Variants in CDH20 observed in about 807,000 individuals in gnomAD.
The protein encoded by CDH20 is cadherin-20.
A neutral mutation model predicts 74.2 loss-of-function variants in CDH20; 29 were observed. The observed-to-expected ratio is 0.39, with a 90% CI of 0.29 to 0.53. CDH20 has a LOEUF of 0.53. Ranked by LOEUF, CDH20 falls within the 20% of genes least tolerant of loss-of-function variation. CDH20 has a pLI of 0.69. For synonymous variants in CDH20, 469 were observed against 405.4 expected (o/e 1.16, Z -1.88); for missense variants, 988 against 1,048.3 (o/e 0.94, Z 0.79).
At chr18:61,386,904 A>G (rs191152737) in intron 1 of CDH20, among the ~76,000 whole-genome samples, 79 of 152,314 alleles carry the variant, frequency 5.2e-4, no homozygotes, top group African/African-American at 1.9e-3. Context: ...TTGTGAGTCA[A>G]TATTTCTGTG....
intron 1 of CDH20, among the ~76,000 whole-genome samples, chr18:61,467,214 C>T (rs1458674378): frequency 6.6e-6 from 1 of 152,142 alleles, no homozygotes; most frequent in Admixed American, 6.6e-5. Context: ...CAGATTTTCT[C>T]ATTAGAATCA....
At chr18:61,335,582 C>T (rs1909731414) in intron 1 of CDH20, among the ~76,000 whole-genome samples, 1 of 152,236 alleles carries the variant, frequency 6.6e-6, no homozygotes, top group South Asian at 2.1e-4. Flanking sequence ...TCAGCATCTA[C>T]TGAGGCTCTG....
intron 1 of CDH20, among the ~76,000 whole-genome samples, chr18:61,378,225 T>C (rs149885009): frequency 2.0e-4 from 31 of 152,322 alleles, no homozygotes; most frequent in Middle Eastern, 3.4e-3. Flanking sequence ...CTGTGGACTT[T>C]CATCAGCTGA....
At chr18:61,452,600 C>T (rs1354568026) in intron 1 of CDH20, among the ~76,000 whole-genome samples, 1 of 152,128 alleles carries the variant, frequency 6.6e-6, no homozygotes, top group Non-Finnish European at 1.5e-5. Context: ...CATATACAAA[C>T]AGGTATAAAT....
At chr18:61,348,942 G>A (rs1046512389) in intron 1 of CDH20, among the ~76,000 whole-genome samples, 7 of 152,164 alleles carry the variant, frequency 4.6e-5, no homozygotes, top group African/African-American at 1.2e-4. Context: ...TTTTCAGCAC[G>A]AATAGCTAGA....
At chr18:61,543,040 G>A (rs1278296440) in intron 9 of CDH20, among the ~76,000 whole-genome samples, 1 of 152,126 alleles carries the variant, frequency 6.6e-6, no homozygotes, top group Non-Finnish European at 1.5e-5. Context: ...CAAACCATAG[G>A]AGTGGGTAGG....
At chr18:61,334,134 C>G (rs1236827217) in intron 1 of CDH20, 1 of 152,200 alleles carries the variant, frequency 6.6e-6, no homozygotes, top group Non-Finnish European at 1.5e-5. Context: ...GGACTGCGCG[C>G]GCCTGGGGAT....
chr18:61,499,119 G>A, intron 2 of CDH20, 67 bp from the exon 3 acceptor site: 1 of 1,286,910 alleles, frequency 7.8e-7, no homozygotes, highest in Non-Finnish European at 1.1e-6. Flanking sequence ...GTAACAAACT[G>A]AAAATCAATG....
intron 1 of CDH20, among the ~76,000 whole-genome samples, chr18:61,448,055 TCA>T (rs939796223): frequency 1.3e-5 from 2 of 152,180 alleles, no homozygotes; most frequent in African/African-American, 4.8e-5. Flanking sequence ...ACTATGAACT[TCA>T]GTTTTCTCAT....
intron 1 of CDH20, chr18:61,391,567 C>T (rs1262305474): frequency 6.6e-6 from 1 of 152,158 alleles, no homozygotes; most frequent in Non-Finnish European, 1.5e-5. Flanking sequence ...TGGAGATCAA[C>T]ATTTTTGAAA....
At chr18:61,458,697 A>G (rs753721621) in intron 1 of CDH20, among the ~76,000 whole-genome samples, 1 of 152,234 alleles carries the variant, frequency 6.6e-6, no homozygotes, top group Non-Finnish European at 1.5e-5. Flanking sequence ...TAGATTGCAC[A>G]TAAGCATCTG....
chr18:61,445,671 T>C (rs993026195), intron 1 of CDH20, among the ~76,000 whole-genome samples: 2 of 152,232 alleles, frequency 1.3e-5, no homozygotes, highest in African/African-American at 4.8e-5. Context: ...GATACAGATA[T>C]GTCTGTTTAG....
chr18:61,501,972 T>C (rs1408217585), intron 4 of CDH20, among the ~76,000 whole-genome samples: 1 of 152,048 alleles, frequency 6.6e-6, no homozygotes, highest in African/African-American at 2.4e-5. Context: ...AAAAAGAAAA[T>C]GCTGCATATA....
intron 5 of CDH20, among the ~76,000 whole-genome samples, chr18:61,503,963 C>T (rs1911474077): frequency 6.6e-6 from 1 of 152,028 alleles, no homozygotes; most frequent in Admixed American, 6.6e-5. Context: ...GAATGGAACA[C>T]AAAGCTGTAT....
chr18:61,470,852 T>C (rs371283878), intron 1 of CDH20, among the ~76,000 whole-genome samples: 1 of 152,164 alleles, frequency 6.6e-6, no homozygotes, highest in African/African-American at 2.4e-5. Flanking sequence ...GGTTGGATTA[T>C]ATGAGCCTTC....
chr18:61,490,997 T>C (rs1910941160), intron 2 of CDH20, among the ~76,000 whole-genome samples, 198 bp downstream of exon 2: 1 of 152,196 alleles, frequency 6.6e-6, no homozygotes, highest in Non-Finnish European at 1.5e-5. Flanking sequence ...TCCTTGTCCA[T>C]GTCTCTGTTA....
At chr18:61,433,135 A>G (rs922399204) in intron 1 of CDH20, among the ~76,000 whole-genome samples, 1 of 152,164 alleles carries the variant, frequency 6.6e-6, no homozygotes, top group African/African-American at 2.4e-5. Flanking sequence ...ATGGGGATAA[A>G]TGGTGTGTTA....
chr18:61,396,561 G>A (rs111257623), intron 1 of CDH20, among the ~76,000 whole-genome samples: 16 of 152,292 alleles, frequency 1.1e-4, no homozygotes, highest in African/African-American at 3.9e-4. Context: ...CTCCCACAGG[G>A]TTACACATGT....
intron 1 of CDH20, among the ~76,000 whole-genome samples, chr18:61,421,480 C>A (rs1293661726): frequency 6.6e-6 from 1 of 152,172 alleles, no homozygotes; most frequent in African/African-American, 2.4e-5. Flanking sequence ...AAATGTTTCA[C>A]TATCTAATCA....
Sources: allele counts gnomAD v4.1 joint callset (sites outside exome capture counted in the v4.1 genomes callset), GRCh38; gene constraint gnomAD v4.1.1; transcripts MANE v1.5; gene names NCBI Gene and HGNC (gene_info 2026-07-23, HGNC 2026-07-21).